Variants in DACH1 observed in about 807,000 individuals in gnomAD.
DACH1 encodes the protein dachshund family transcription factor 1.
DACH1 carries 12 observed loss-of-function variants against 54.2 expected under a neutral mutation model. The observed-to-expected ratio is 0.22, with a 90% CI of 0.14 to 0.36. The LOEUF (loss-of-function observed/expected upper bound fraction) is 0.36, where lower values mean the gene tolerates loss of function less well. DACH1 is among the 10% of genes least tolerant of loss of function. The pLI is 1.00. For missense variants in DACH1, 805 were observed against 929.8 expected, an observed-to-expected ratio of 0.87 and a Z score of 1.75; for synonymous variants, 386 against 366.2, an observed-to-expected ratio of 1.05 and a Z score of -0.62.
intron 1 of DACH1, among the ~76,000 whole-genome samples, chr13:71,779,128 T>TAC (rs1555321962): frequency 1.4e-5 from 2 of 141,440 alleles, no homozygotes; most frequent in East Asian, 4.0e-4. Flanking sequence ...TACACATATA[T>TAC]ACATATATAC....
chr13:71,592,293 C>T (rs1873764798), intron 3 of DACH1, among the ~76,000 whole-genome samples: 1 of 151,660 alleles, frequency 6.6e-6, no homozygotes, highest in Admixed American at 6.6e-5. Flanking sequence ...GGGAGAATCA[C>T]CTAAGCCCAG....
intron 6 of DACH1, among the ~76,000 whole-genome samples, chr13:71,514,695 G>T (rs192078049): frequency 6.6e-5 from 10 of 151,848 alleles, no homozygotes; most frequent in Non-Finnish European, 1.2e-4. Flanking sequence ...AGTTATATGT[G>T]TACATTTCTT....
At chr13:71,735,530 A>G (rs61958970) in intron 1 of DACH1, among the ~76,000 whole-genome samples, 190 of 10,894 alleles carry the variant, frequency 0.017, 29 homozygotes, top group Non-Finnish European at 0.067. Context: ...TGGGATATAC[A>G]CGTATATGGG....
chr13:71,799,581 C>T (rs2138119551), intron 1 of DACH1, among the ~76,000 whole-genome samples: 1 of 152,222 alleles, frequency 6.6e-6, no homozygotes, highest in South Asian at 2.1e-4. Context: ...ACAGATAGCA[C>T]ATACCGGCTC....
chr13:71,606,288 T>C (rs61957848), intron 3 of DACH1, among the ~76,000 whole-genome samples: 6,943 of 152,124 alleles, frequency 0.046, 265 homozygotes, highest in Admixed American at 0.096. Context: ...ACCCTGTTTA[T>C]TATGTTTCTT....
intron 1 of DACH1, among the ~76,000 whole-genome samples, chr13:71,690,998 G>A (rs1881449560): frequency 6.6e-6 from 1 of 152,108 alleles, no homozygotes; most frequent in Admixed American, 6.5e-5. Context: ...TTTTCCTTTT[G>A]TAATTTTTCA....
chr13:71,448,965 A>C (rs1277878307), intron 10 of DACH1, among the ~76,000 whole-genome samples: 1 of 152,150 alleles, frequency 6.6e-6, no homozygotes, highest in Non-Finnish European at 1.5e-5. Flanking sequence ...TGTTCTAGAC[A>C]ATAAGCAAAG....
intron 1 of DACH1, among the ~76,000 whole-genome samples, chr13:71,789,946 T>C (rs1886766737): frequency 6.6e-6 from 1 of 152,182 alleles, no homozygotes; most frequent in Non-Finnish European, 1.5e-5. Flanking sequence ...TATTAGTCTA[T>C]AAAATTTGAC....
At chr13:71,682,193 G>A (rs910382826) in intron 1 of DACH1, among the ~76,000 whole-genome samples, 2 of 152,122 alleles carry the variant, frequency 1.3e-5, no homozygotes, top group Non-Finnish European at 2.9e-5. Flanking sequence ...GTTTGCATAT[G>A]CTAAAGTTCT....
Position 71,569,384 on chromosome 13 carries a change from A to G in DACH1, c.1299+3456T>C, listed in dbSNP as rs900740127. ...CCATAGACATTACATAAATTTAGAT[A>G]TGGCTCTGTCCCCAGAAAAAACTTT... On this transcript the variant is annotated intron_variant, in intron 4 of 10. Transcript: ENST00000613252. 3.3e-5 allele frequency among the ~76,000 whole-genome samples: 5 copies of G among 152,146 alleles called. No homozygotes were observed. The East Asian group carries it at 9.6e-4, about 29-fold the overall frequency.
chr13:71,633,059 C>T (rs1483154179), intron 2 of DACH1, among the ~76,000 whole-genome samples: 3 of 152,242 alleles, frequency 2.0e-5, no homozygotes, highest in Admixed American at 1.3e-4. Flanking sequence ...CAATTTATGA[C>T]TTCAAAAGTC....
chr13:71,627,219 T>C (rs1876714291), intron 3 of DACH1, among the ~76,000 whole-genome samples: 1 of 151,132 alleles, frequency 6.6e-6, no homozygotes, highest in South Asian at 2.1e-4. Context: ...GGTTGTGTGA[T>C]ACAAATTTTT....
intron 1 of DACH1, among the ~76,000 whole-genome samples, chr13:71,864,470 TAA>T (rs1440912533): frequency 6.6e-6 from 1 of 152,160 alleles, no homozygotes; most frequent in Non-Finnish European, 1.5e-5. Flanking sequence ...CCTTTCCACC[TAA>T]GTTTCCCTAT....
intron 2 of DACH1, among the ~76,000 whole-genome samples, chr13:71,672,326 C>T (rs1880253403): frequency 6.6e-6 from 1 of 152,062 alleles, no homozygotes; most frequent in Non-Finnish European, 1.5e-5. Flanking sequence ...TGTTTTGGGA[C>T]ACAAACTGCA....
chr13:71,616,302 A>C (rs948010618), intron 3 of DACH1, among the ~76,000 whole-genome samples: 3 of 152,208 alleles, frequency 2.0e-5, no homozygotes, highest in African/African-American at 7.2e-5. Context: ...TGCATGCATG[A>C]ACAGCTGGAG....
chr13:71,861,019 G>A (rs1874314284), intron 1 of DACH1, among the ~76,000 whole-genome samples: 1 of 151,942 alleles, frequency 6.6e-6, no homozygotes, highest in Middle Eastern at 3.4e-3. Flanking sequence ...CAAGACTTTA[G>A]TCAATATAGG....
intron 2 of DACH1, among the ~76,000 whole-genome samples, chr13:71,665,914 C>T (rs1040345138): frequency 6.6e-6 from 1 of 152,078 alleles, no homozygotes. Flanking sequence ...TAATACTCAT[C>T]TGTTAAATGA....
At chr13:71,746,938 C>T (rs1400102323) in intron 1 of DACH1, among the ~76,000 whole-genome samples, 2 of 152,052 alleles carry the variant, frequency 1.3e-5, no homozygotes, top group Admixed American at 6.6e-5. Context: ...GTACACATTT[C>T]TGTATTAACA....
At chr13:71,477,080 T>TATATATATATA (rs375310936) in intron 8 of DACH1, among the ~76,000 whole-genome samples, 15 of 46,248 alleles carry the variant, frequency 3.2e-4, no homozygotes, top group Admixed American at 1.2e-3. Flanking sequence ...GTTTTTATTA[T>TATATATATATA]TATATATATA....
Sources: allele counts gnomAD v4.1 joint callset (sites outside exome capture counted in the v4.1 genomes callset), GRCh38; gene constraint gnomAD v4.1.1; transcripts MANE v1.5; gene names NCBI Gene and HGNC (gene_info 2026-07-23, HGNC 2026-07-21).